The following VWA3B variants were observed in gnomAD, a reference collection of about 807,000 sequenced individuals.
VWA3B encodes the protein von Willebrand factor A domain-containing protein 3B.
A neutral mutation model predicts 158.3 loss-of-function variants in VWA3B; 138 were observed. The ratio of observed to expected loss-of-function variants is 0.87; its 90% CI spans 0.76 to 1.00. The LOEUF (loss-of-function observed/expected upper bound fraction) is 1.00, where lower values mean the gene tolerates loss of function less well. Ranked by LOEUF, VWA3B falls within the 50% of genes least tolerant of loss-of-function variation. The pLI is 0.00. For missense variants in VWA3B, 1,555 were observed against 1,565.1 expected (o/e 0.99, Z 0.11); for synonymous variants, 596 against 587.3 (o/e 1.01, Z -0.21).
intron 22 of VWA3B, among the ~76,000 whole-genome samples, chr2:98,276,485 A>C (rs17427726): frequency 0.039 from 5,911 of 152,346 alleles, 169 homozygotes; most frequent in Middle Eastern, 0.075. Flanking sequence ...ATAAATTGCC[A>C]TGAAAGAGCC....
chr2:98,148,226 A>G (rs1192960684), intron 7 of VWA3B, among the ~76,000 whole-genome samples: 1 of 152,336 alleles, frequency 6.6e-6, no homozygotes, highest in East Asian at 1.9e-4. Context: ...AGACAATATA[A>G]TTCACACCCA....
intron 7 of VWA3B, among the ~76,000 whole-genome samples, chr2:98,155,479 G>T (rs1300228185): frequency 6.6e-6 from 1 of 152,172 alleles, no homozygotes; most frequent in Non-Finnish European, 1.5e-5. Context: ...CTTATTAGTT[G>T]TGTGGCCTTG....
chr2:98,184,629 C>A (rs569518554), intron 9 of VWA3B, among the ~76,000 whole-genome samples: 1 of 152,366 alleles, frequency 6.6e-6, no homozygotes, highest in Admixed American at 6.5e-5. Flanking sequence ...ATCCCCCCAC[C>A]CCGCCCTCTG....
rs567199362 is a variant in VWA3B at position 98,212,466 on chromosome 2, C to T, written c.1836+438C>T. 6.6e-5 allele frequency among the ~76,000 whole-genome samples: 10 copies of T among 152,226 alleles called. No homozygotes were observed. In the South Asian group the frequency reaches 1.2e-3, roughly 19 times the overall value. Reference sequence around the variant, plus strand: ...TTTAAACAAAAACATGCCTTTCTAGCGAAATGTCCTTTGTTTTGTTTAGCC... The same window carrying T: ...TTTAAACAAAAACATGCCTTTCTAGTGAAATGTCCTTTGTTTTGTTTAGCC... On this transcript the variant is annotated intron_variant, in intron 13 of 27. Coordinates refer to ENST00000477737, the MANE Select transcript of VWA3B (RefSeq NM_144992.5).
At chr2:98,122,419 G>A (rs1040420665) in intron 5 of VWA3B, among the ~76,000 whole-genome samples, 4 of 152,132 alleles carry the variant, frequency 2.6e-5, no homozygotes, top group African/African-American at 9.7e-5. Context: ...AGTGGTCACC[G>A]GCCTGTGTTT....
At position 98,183,189 on chromosome 2, in the gene VWA3B, C is replaced by T. The variant is rs200728175; in HGVS notation, c.1311+1977C>T. Reference sequence around the variant, plus strand: ...AATTATTAATATATAGTACAGCTCCCTTTTTTTTTTTTTTTTTTTTTACAA... The same window carrying T: ...AATTATTAATATATAGTACAGCTCCTTTTTTTTTTTTTTTTTTTTTTACAA... On this transcript the variant is annotated intron_variant, in intron 9 of 27. Transcript: ENST00000477737. 3.8e-3 allele frequency among the ~76,000 whole-genome samples: 479 copies of T among 124,622 alleles called. 16 individuals carry two copies. In the East Asian group the frequency reaches 0.09, roughly 23 times the overall value. 81.8% of individuals were successfully genotyped at this position (124,622 alleles called of 152,430 possible).
At chr2:98,141,581 C>T (rs1280309208) in intron 7 of VWA3B, among the ~76,000 whole-genome samples, 3 of 152,146 alleles carry the variant, frequency 2.0e-5, no homozygotes, top group Non-Finnish European at 2.9e-5. Context: ...CAGGCCCCAT[C>T]TCTGATACTG....
chr2:98,284,902 A>C (rs185614120), intron 22 of VWA3B, among the ~76,000 whole-genome samples: 1 of 152,162 alleles, frequency 6.6e-6, no homozygotes, highest in African/African-American at 2.4e-5. Flanking sequence ...AAAAAGTCCT[A>C]TGTGGTTTAT....
chr2:98,217,118 T>C, intron 13 of VWA3B: 1 of 517,376 alleles, frequency 1.9e-6, no homozygotes, highest in Non-Finnish European at 3.1e-6. Flanking sequence ...ATCCCTGCAA[T>C]GGGAAACAGC....
At chr2:98,115,229 G>T (rs750887291) in intron 2 of VWA3B, among the ~76,000 whole-genome samples, 2 of 151,774 alleles carry the variant, frequency 1.3e-5, no homozygotes, top group Non-Finnish European at 2.9e-5. Flanking sequence ...TCACTCATAG[G>T]TGGGAATTGA....
At chr2:98,262,089 T>C (rs905436747) in intron 21 of VWA3B, among the ~76,000 whole-genome samples, 5 of 151,822 alleles carry the variant, frequency 3.3e-5, no homozygotes, top group Non-Finnish European at 7.4e-5. Context: ...TGGAGAAATG[T>C]CTAGTCAAGC....
chr2:98,144,755 C>T (rs777208041), intron 7 of VWA3B, among the ~76,000 whole-genome samples: 25 of 152,060 alleles, frequency 1.6e-4, no homozygotes, highest in Admixed American at 1.2e-3. Flanking sequence ...TTAGTAGAGA[C>T]GGGGTTTTGC....
At chr2:98,223,925 A>T (rs1259938180) in intron 14 of VWA3B, among the ~76,000 whole-genome samples, 1 of 152,056 alleles carries the variant, frequency 6.6e-6, no homozygotes, top group Non-Finnish European at 1.5e-5. Context: ...ATAGGGTCAC[A>T]CTATGTCGCC....
chr2:98,120,937 T>C (rs1210443170), intron 4 of VWA3B, among the ~76,000 whole-genome samples: 1 of 152,224 alleles, frequency 6.6e-6, no homozygotes, highest in African/African-American at 2.4e-5. Context: ...CTTAATACTG[T>C]GAATTATTAT....
chr2:98,165,464 C>G (rs924562845), intron 8 of VWA3B, among the ~76,000 whole-genome samples: 1 of 152,074 alleles, frequency 6.6e-6, no homozygotes, highest in Non-Finnish European at 1.5e-5. Context: ...GAAAGCTCCC[C>G]GGGTGATCCT....
intron 7 of VWA3B, among the ~76,000 whole-genome samples, chr2:98,140,492 CCT>C (rs1462571432): frequency 2.0e-5 from 3 of 152,204 alleles, no homozygotes; most frequent in Admixed American, 6.5e-5. Context: ...GATCCCTGCC[CCT>C]GTTACCACTC....
In VWA3B at chr2:98,181,002, C is replaced by T. The variant is rs1489470694; in HGVS notation, c.1115-14C>T. 1 of 1,612,802 alleles carries T rather than the reference C, an allele frequency of 6.2e-7. No individual in the cohort carries two copies. Among genetic ancestry groups the T allele is most frequent in the Admixed American group, 1.7e-5 (1 of 59,970 alleles). Reference sequence around the variant, plus strand: ...TCATGCAGTATGAATGGCTGACAAGCTGTGATTCTACAGAGTCAGAAACAA... The same window carrying T: ...TCATGCAGTATGAATGGCTGACAAGTTGTGATTCTACAGAGTCAGAAACAA... On this transcript the variant is annotated splice_polypyrimidine_tract_variant and intron_variant, in intron 8 of 27. Transcript: ENST00000477737.
chr2:98,129,281 GGA>G (rs1350928124), intron 6 of VWA3B, among the ~76,000 whole-genome samples: 14 of 148,994 alleles, frequency 9.4e-5, no homozygotes, highest in Admixed American at 7.3e-4. Flanking sequence ...AGGAGAGAGA[GGA>G]GAGAGAGGAG....
intron 22 of VWA3B, among the ~76,000 whole-genome samples, chr2:98,281,578 C>T (rs975915260): frequency 2.0e-5 from 3 of 151,998 alleles, no homozygotes; most frequent in African/African-American, 4.8e-5. Context: ...TGTTCTGTAC[C>T]TAGTGTAGAA....
Sources: allele counts gnomAD v4.1 joint callset (sites outside exome capture counted in the v4.1 genomes callset), GRCh38; gene constraint gnomAD v4.1.1; transcripts MANE v1.5; gene names NCBI Gene and HGNC (gene_info 2026-07-23, HGNC 2026-07-21).